The following TNRC6A variants were observed in gnomAD, a reference collection of about 807,000 sequenced individuals.
TNRC6A encodes trinucleotide repeat containing adaptor 6A, also known as trinucleotide repeat-containing gene 6A protein.
Under a neutral mutation model 221.2 loss-of-function variants are expected in TNRC6A, and 44 were observed. That is an observed-to-expected ratio of 0.20 (90% CI 0.16 to 0.26). TNRC6A has a LOEUF of 0.26. Ranked by LOEUF, TNRC6A falls within the 10% of genes least tolerant of loss-of-function variation. TNRC6A has a pLI of 1.00. For missense variants in TNRC6A, 2,199 were observed against 2,404.4 expected (o/e 0.91, Z 1.79); for synonymous variants, 847 against 838.5 (o/e 1.01, Z -0.18).
At chr16:24,814,433 G>A (rs1428015281) in intron 18 of TNRC6A, among the ~76,000 whole-genome samples, 3 of 26,772 alleles carry the variant, frequency 1.1e-4, no homozygotes, top group African/African-American at 7.2e-4. Context: ...TTTTGGAGAC[G>A]GAGTCTTGCC....
At chr16:24,716,962 A>G (rs570965005) in intron 2 of TNRC6A, among the ~76,000 whole-genome samples, 3 of 142,340 alleles carry the variant, frequency 2.1e-5, no homozygotes, top group Admixed American at 1.4e-4. Flanking sequence ...TCTCAAAAAA[A>G]AAAAAAGAAA....
chr16:24,702,107 CTTTTTTTTT>C (rs201421601), intron 2 of TNRC6A, among the ~76,000 whole-genome samples: 1 of 50,252 alleles, frequency 2.0e-5, no homozygotes, highest in Non-Finnish European at 3.6e-5. Flanking sequence ...TTTCTTTTTT[CTTTTTTTTT>C]TTTTTTTTTG....
Position 24,750,745 on chromosome 16 carries a change from G to A in TNRC6A, c.73G>A (p.Glu25Lys). The A allele has an allele frequency of 6.4e-7, 1 of 1,551,260 alleles. No individual in the cohort carries two copies. Among genetic ancestry groups the A allele is most frequent in the Non-Finnish European group, 8.7e-7 (1 of 1,154,558 alleles). ...NLSRDLVQEE[E>K]QLMEEKKKKK... Reference sequence around the variant, plus strand: ...GTTCAGGGATTTAGTGCAAGAAGAAGAACAGTTGATGGAAGAAAAGAAAAA... The same window carrying A: ...GTTCAGGGATTTAGTGCAAGAAGAAAAACAGTTGATGGAAGAAAAGAAAAA... Residue 25 changes from glutamate to lysine, a missense_variant, in exon 3 of 25, where the codon GAA becomes AAA. Glu to Lys is a moderately conservative substitution (Grantham distance 56). Transcript: ENST00000395799.
Position 24,793,651 on chromosome 16 carries a change from TA to T in TNRC6A, c.3352+4del. On this transcript the variant is annotated splice_donor_region_variant and intron_variant, in intron 7 of 24. Transcript: ENST00000395799. The stretch of plus-strand genomic sequence containing the variant: ...GTCCACAAGCATTAAGCAAATCTGG[TA>T]AGTTATTGACAATGCCTGGTAGCTG... The T allele has an allele frequency of 6.8e-7, 1 of 1,464,034 alleles. No individual in the cohort carries two copies. The highest frequency in any genetic ancestry group is 1.6e-5 in the South Asian group (1 of 62,008). The allele number at this position is 1,464,034 out of a possible 1,614,324, so 90.7% of individuals were successfully genotyped here.
In TNRC6A at chr16:24,789,899, C is replaced by T. The variant is rs748163153; in HGVS notation, c.1257C>T (p.Thr419=). The T allele has an allele frequency of 4.3e-6, 7 of 1,613,900 alleles. No homozygotes were observed. The Admixed American group carries it at 8.3e-5, about 19-fold the overall frequency. The change falls in exon 6 of 25, where the codon ACC becomes ACT. Residue 419 remains threonine (T), a synonymous_variant. Coordinates refer to ENST00000395799, the MANE Select transcript of TNRC6A (RefSeq NM_014494.4). ...SKVSGGSTHG[T]WGSLQETCES... ...TGAGTGGTGGTTCTACCCATGGTAC[C>T]TGGGGAAGCCTTCAGGAAACTTGTG...
In TNRC6A at chr16:24,698,564, A is replaced by G. The variant is rs138760938; in HGVS notation, n.403-52162A>G. 2.7e-3 allele frequency among the ~76,000 whole-genome samples: 416 copies of G among 152,298 alleles called. 1 individual carries two copies. The highest frequency in any genetic ancestry group is 9.6e-3 in the African/African-American group (400 of 41,584). ...CATGTTTAGTCTCCTTGGCAGAGTT[A>G]GGAATCATTTCACAAGTGCATAAAC... On this transcript the variant is annotated intron_variant and non_coding_transcript_variant, in intron 2 of 2. Coordinates refer to the TNRC6A transcript ENST00000566108.
At chr16:24,660,728 C>CTTTTTTTTTCTTTTTTT (rs2055010160) in intron 2 of TNRC6A, among the ~76,000 whole-genome samples, 1 of 122,552 alleles carries the variant, frequency 8.2e-6, no homozygotes, top group African/African-American at 3.3e-5. Context: ...TTTCTTTTTT[C>CTTTTTTTTTCTTTTTTT]TTTTTTTTTT....
chr16:24,789,419 C>T lies in TNRC6A; in HGVS notation c.777C>T (p.Ala259=). 1.9e-6 allele frequency: 3 copies of T among 1,614,206 alleles called. No homozygotes were observed. The highest frequency in any genetic ancestry group is 2.5e-6 in the Non-Finnish European group (3 of 1,180,028). The change falls in exon 6 of 25, where the codon GCC becomes GCT. Residue 259 remains alanine (A), a synonymous_variant. Transcript: ENST00000395799. ...LASECMDADS[A]SSSESERNIT... ...CAGAATGTATGGATGCTGATTCTGC[C>T]TCCAGTTCTGAATCAGAGAGAAACA...
chr16:24,787,874 C>T (rs1395910891), intron 5 of TNRC6A, among the ~76,000 whole-genome samples: 3 of 152,152 alleles, frequency 2.0e-5, no homozygotes, highest in African/African-American at 7.2e-5. Flanking sequence ...TCTCCTAGGC[C>T]TACAACCCCT....
chr16:24,741,378 GTC>G, intron 2 of TNRC6A, among the ~76,000 whole-genome samples: 1 of 152,226 alleles, frequency 6.6e-6, no homozygotes, highest in South Asian at 2.1e-4. Context: ...CTTTTTCTGT[GTC>G]TCTTGAAATC....
intron 2 of TNRC6A, among the ~76,000 whole-genome samples, chr16:24,677,557 C>T (rs983220680): frequency 7.2e-5 from 11 of 152,164 alleles, no homozygotes; most frequent in African/African-American, 1.9e-4. Flanking sequence ...TCCTCCCATC[C>T]GCTCACTCAC....
intron 3 of TNRC6A, among the ~76,000 whole-genome samples, chr16:24,757,132 A>G (rs1004413093): frequency 5.9e-5 from 9 of 152,024 alleles, no homozygotes; most frequent in Non-Finnish European, 5.9e-5. Context: ...TTTCCATCAA[A>G]ATTTTTTTTT....
intron 18 of TNRC6A, among the ~76,000 whole-genome samples, chr16:24,814,273 C>A (rs1313427536): frequency 6.6e-6 from 1 of 152,056 alleles, no homozygotes; most frequent in East Asian, 1.9e-4. Flanking sequence ...TATAGATGTT[C>A]ATAGTGGGAG....
chr16:24,799,079 A>G (rs752260960), intron 11 of TNRC6A, among the ~76,000 whole-genome samples: 1 of 152,196 alleles, frequency 6.6e-6, no homozygotes, highest in Non-Finnish European at 1.5e-5. Flanking sequence ...GATGCTGCCA[A>G]CCACTGGCGA....
chr16:24,752,445 C>T (rs1318334742), intron 3 of TNRC6A, among the ~76,000 whole-genome samples: 1 of 152,112 alleles, frequency 6.6e-6, no homozygotes, highest in African/African-American at 2.4e-5. Context: ...TAGCCACCTG[C>T]CTTTTGCTTG....
intron 1 of TNRC6A, among the ~76,000 whole-genome samples, chr16:24,636,092 A>C (rs570358168): frequency 6.6e-6 from 1 of 152,352 alleles, no homozygotes; most frequent in South Asian, 2.1e-4. Flanking sequence ...GCCAGATTGC[A>C]GTGGTTTGCA....
At chr16:24,623,290 C>G (rs1422014362) in intron 1 of TNRC6A, among the ~76,000 whole-genome samples, 2 of 152,020 alleles carry the variant, frequency 1.3e-5, no homozygotes, top group South Asian at 2.1e-4. Context: ...GCTCCGCCTC[C>G]CGGGCTCACG....
At chr16:24,681,534 G>GT (rs200756415) in intron 2 of TNRC6A, among the ~76,000 whole-genome samples, 16 of 151,794 alleles carry the variant, frequency 1.1e-4, no homozygotes, top group African/African-American at 3.1e-4. Flanking sequence ...GACCTAACCT[G>GT]TTTTTTTTCT....
Position 24,729,722 on chromosome 16 carries a change from G to A in TNRC6A, c.-120G>A. 3 of 1,144,188 alleles carry A rather than the reference G, an allele frequency of 2.6e-6. No individual in the cohort carries two copies. Among genetic ancestry groups the A allele is most frequent in the Middle Eastern group, 3.2e-4 (1 of 3,152 alleles). 70.9% of individuals were successfully genotyped at this position (1,144,188 alleles called of 1,614,324 possible). ...CGGCGGCGGCGGCGGCGGCGGCAGC[G>A]GGTCGGTGTAGAAAATGGCGCTGGT... is the stretch of plus-strand genomic sequence containing the variant. On this transcript the variant is annotated 5_prime_UTR_variant, in exon 1 of 25. Coordinates refer to ENST00000395799, the MANE Select transcript of TNRC6A (RefSeq NM_014494.4).
Sources: gnomAD v4.1 joint callset for allele counts (sites outside exome capture counted in the v4.1 genomes callset) on GRCh38, gnomAD v4.1.1 for gene constraint, MANE v1.5 for transcripts, NCBI Gene and HGNC (gene_info 2026-07-23, HGNC 2026-07-21) for gene names.